Variants in ACSS3 observed in about 807,000 individuals in gnomAD.
The protein encoded by ACSS3 is acyl-CoA synthetase short-chain family member 3, mitochondrial.
In ACSS3, 64 loss-of-function variants were observed where a neutral mutation model predicts 84.2. The observed-to-expected ratio is 0.76, with a 90% CI of 0.62 to 0.94. The LOEUF is 0.94. ACSS3 is among the 40% of genes least tolerant of loss of function. The probability of loss-of-function intolerance (pLI) is 0.00; values close to 1 mark genes in which losing one functional copy is unlikely to be tolerated. For synonymous variants in ACSS3, 317 were observed against 310.1 expected, an observed-to-expected ratio of 1.02 and a Z score of -0.23; for missense variants, 815 against 867.6, an observed-to-expected ratio of 0.94 and a Z score of 0.76.
chr12:81,078,691 G>T (rs1880779039), intron 1 of ACSS3, among the ~76,000 whole-genome samples: 1 of 152,140 alleles, frequency 6.6e-6, no homozygotes, highest in Non-Finnish European at 1.5e-5. Context: ...TTCTGCTTTG[G>T]CAGTGGGAAT....
At chr12:81,243,646 T>G in intron 13 of ACSS3, among the ~76,000 whole-genome samples, 1 of 152,194 alleles carries the variant, frequency 6.6e-6, no homozygotes, top group Non-Finnish European at 1.5e-5. Context: ...AGCATGGTAC[T>G]GGTACCAAAA....
At chr12:81,151,793 G>A (rs1335846652) in intron 5 of ACSS3, 51 bp from the exon 6 acceptor site, 7 of 1,504,348 alleles carry the variant, frequency 4.7e-6, no homozygotes, top group Non-Finnish European at 4.6e-6. Context: ...AAGATAGAGA[G>A]TGTTTTTACA....
At chr12:81,246,463 C>T (rs943961833) in intron 13 of ACSS3, among the ~76,000 whole-genome samples, 3 of 152,040 alleles carry the variant, frequency 2.0e-5, no homozygotes, top group African/African-American at 7.2e-5. Context: ...CTTTAGTCCT[C>T]GGGCCAGATT....
rs934163239 is a variant in ACSS3 at position 81,087,589 on chromosome 12, C to G, written c.311+9158C>G. On this transcript the variant is annotated intron_variant, in intron 1 of 15. Coordinates refer to ENST00000548058, the MANE Select transcript of ACSS3 (RefSeq NM_024560.4). ...TGTCCATTTGCTAAATAACTTTAAT[C>G]TAATGAGTGCATGGGAGCTTAGAAA... 2.6e-5 allele frequency among the ~76,000 whole-genome samples: 4 copies of G among 152,192 alleles called. No individual in the cohort carries two copies. In the South Asian group the frequency reaches 8.3e-4, roughly 32 times the overall value.
At chr12:81,208,669 C>T (rs914748857) in intron 9 of ACSS3, among the ~76,000 whole-genome samples, 3 of 151,320 alleles carry the variant, frequency 2.0e-5, no homozygotes, top group Non-Finnish European at 4.4e-5. Context: ...ATCGCCTTTA[C>T]AAAACCCCCC....
intron 8 of ACSS3, among the ~76,000 whole-genome samples, chr12:81,179,687 C>T (rs953212709): frequency 4.7e-5 from 7 of 147,476 alleles, no homozygotes; most frequent in African/African-American, 7.5e-5. Context: ...AGGAGAATGG[C>T]GTGAACCCGG....
chr12:81,233,952 A>T (rs1378992203), intron 13 of ACSS3, among the ~76,000 whole-genome samples: 2 of 151,594 alleles, frequency 1.3e-5, no homozygotes, highest in African/African-American at 4.8e-5. Flanking sequence ...CATTATTGTT[A>T]TACAATACTA....
intron 8 of ACSS3, among the ~76,000 whole-genome samples, chr12:81,180,820 A>G (rs1294235214): frequency 2.0e-5 from 3 of 152,146 alleles, no homozygotes; most frequent in Admixed American, 6.6e-5. Flanking sequence ...CAGGTCATGG[A>G]CCTACATTTT....
intron 3 of ACSS3, among the ~76,000 whole-genome samples, chr12:81,135,469 T>TAC (rs139996036): frequency 0.052 from 7,558 of 146,032 alleles, 512 homozygotes; most frequent in African/African-American, 0.16. Context: ...ATAAAATATA[T>TAC]ACACACACAC....
At chr12:81,155,492 C>T (rs1212118837) in intron 7 of ACSS3, among the ~76,000 whole-genome samples, 1 of 152,156 alleles carries the variant, frequency 6.6e-6, no homozygotes, top group Non-Finnish European at 1.5e-5. Context: ...TCCACCCCAC[C>T]CTGCAAACCA....
intron 8 of ACSS3, among the ~76,000 whole-genome samples, chr12:81,176,220 T>C (rs756683894): frequency 5.9e-5 from 9 of 152,170 alleles, no homozygotes; most frequent in Non-Finnish European, 1.3e-4. Flanking sequence ...CAAATACCTC[T>C]ATGCACACAA....
chr12:81,154,520 T>C (rs1333441818), intron 7 of ACSS3, among the ~76,000 whole-genome samples: 1 of 152,252 alleles, frequency 6.6e-6, no homozygotes, highest in East Asian at 1.9e-4. Context: ...TTTGACTTTC[T>C]CTGGTCACAA....
At chr12:81,236,288 G>T (rs1046587813) in intron 13 of ACSS3, among the ~76,000 whole-genome samples, 2 of 151,178 alleles carry the variant, frequency 1.3e-5, no homozygotes, top group Non-Finnish European at 3.0e-5. Flanking sequence ...TGAACCAGTC[G>T]TGCATTCCTG....
At chr12:81,224,749 T>C (rs1260171965) in intron 11 of ACSS3, among the ~76,000 whole-genome samples, 2 of 152,040 alleles carry the variant, frequency 1.3e-5, no homozygotes, top group East Asian at 3.9e-4. Context: ...GAATAGGTGA[T>C]GAATTCTTGT....
chr12:81,228,785 C>A (rs1326563710), intron 11 of ACSS3, among the ~76,000 whole-genome samples: 1 of 151,786 alleles, frequency 6.6e-6, no homozygotes, highest in African/African-American at 2.4e-5. Flanking sequence ...AATACTAACT[C>A]ATTTAGGTTA....
intron 9 of ACSS3, among the ~76,000 whole-genome samples, chr12:81,213,692 GCTGCCCTCCT>G (rs200762667): frequency 0.28 from 7,678 of 27,026 alleles, 2,138 homozygotes; most frequent in Middle Eastern, 0.37. Flanking sequence ...ACCCACCTCT[GCTGCCCTCCT>G]CTCCCCTCCG....
intron 2 of ACSS3, among the ~76,000 whole-genome samples, chr12:81,127,641 G>C (rs1409085233): frequency 6.6e-6 from 1 of 151,980 alleles, no homozygotes; most frequent in Non-Finnish European, 1.5e-5. Flanking sequence ...TTTTTGTTAC[G>C]GTTTAGACCA....
chr12:81,196,985 A>G (rs1432558443), intron 8 of ACSS3, among the ~76,000 whole-genome samples: 1 of 151,970 alleles, frequency 6.6e-6, no homozygotes, highest in African/African-American at 2.4e-5. Flanking sequence ...GGCTCCAACT[A>G]CATTATTGCA....
rs540755580 is a variant in ACSS3 at position 81,242,235 on chromosome 12, C to T, written c.1719+8764C>T. ...TCAGAGAATACTACAAACACCTCTA[C>T]GCAAATAAACTAGAAAATCTAGAAG... On this transcript the variant is annotated intron_variant, in intron 13 of 15. Transcript: ENST00000548058. Among the ~76,000 whole-genome samples, 383 of 152,100 alleles carry T rather than the reference C, an allele frequency of 2.5e-3. 2 individuals are homozygous for T. Among genetic ancestry groups the T allele is most frequent in the African/African-American group, 8.7e-3 (363 of 41,488 alleles).
Sources: allele counts gnomAD v4.1 joint callset (sites outside exome capture counted in the v4.1 genomes callset), GRCh38; gene constraint gnomAD v4.1.1; transcripts MANE v1.5; gene names NCBI Gene and HGNC (gene_info 2026-07-23, HGNC 2026-07-21).